LGSN: variants seen among roughly 807,000 people sequenced by gnomAD.
LGSN encodes the protein lengsin, lens protein with glutamine synthetase domain, also known as lengsin.
In LGSN, 21 loss-of-function variants were observed where a neutral mutation model predicts 19.5. The ratio of observed to expected loss-of-function variants is 1.07; its 90% CI spans 0.76 to 1.55. LGSN has a LOEUF of 1.55. Among genes scored for constraint, LGSN ranks in the 40% most tolerant of loss-of-function variants. The probability of loss-of-function intolerance (pLI) is 0.00; values close to 1 mark genes in which losing one functional copy is unlikely to be tolerated. For synonymous variants in LGSN, 257 were observed against 215.6 expected (o/e 1.19, Z -1.68); for missense variants, 673 against 608.5 (o/e 1.11, Z -1.12).
the LGSN span, among the ~76,000 whole-genome samples, chr6:63,502,405 C>A: frequency 6.6e-6 from 1 of 152,038 alleles, no homozygotes; most frequent in Non-Finnish European, 1.5e-5. Flanking sequence ...GTTAAGATAC[C>A]TGATATACTA....
chr6:63,468,779 C>T, the LGSN span, among the ~76,000 whole-genome samples: 164 of 151,074 alleles, frequency 1.1e-3, 4 homozygotes, highest in South Asian at 0.028. Context: ...GATGGAGTCT[C>T]GCTCTATTGT....
At chr6:63,454,060 C>G in the LGSN span, among the ~76,000 whole-genome samples, 1 of 152,182 alleles carries the variant, frequency 6.6e-6, no homozygotes, top group Non-Finnish European at 1.5e-5. Flanking sequence ...CTGCCCCTTG[C>G]TGCCTCTCCA....
At chr6:63,555,381 A>G in the LGSN span, among the ~76,000 whole-genome samples, 1 of 152,212 alleles carries the variant, frequency 6.6e-6, no homozygotes, top group Non-Finnish European at 1.5e-5. Flanking sequence ...TTAGATCTAG[A>G]CTAATAGGAA....
the LGSN span, among the ~76,000 whole-genome samples, chr6:63,387,445 T>G: frequency 2.0e-5 from 3 of 152,174 alleles, no homozygotes; most frequent in African/African-American, 7.2e-5. Context: ...AGAGATTATA[T>G]AAAGTATATA....
At chr6:63,469,365 A>G in the LGSN span, among the ~76,000 whole-genome samples, 37 of 152,200 alleles carry the variant, frequency 2.4e-4, no homozygotes, top group Non-Finnish European at 4.7e-4. Flanking sequence ...AATGTTCTGC[A>G]TAATCCTTTC....
At chr6:63,544,681 T>C in the LGSN span, among the ~76,000 whole-genome samples, 1 of 152,194 alleles carries the variant, frequency 6.6e-6, no homozygotes, top group South Asian at 2.1e-4. Flanking sequence ...AAGCCAATTA[T>C]ACCAAGAATG....
the LGSN span, among the ~76,000 whole-genome samples, chr6:63,382,302 A>T: frequency 2.0e-5 from 3 of 152,208 alleles, no homozygotes; most frequent in Non-Finnish European, 4.4e-5. Flanking sequence ...AACCAAAATT[A>T]TTGGTGTATG....
At chr6:63,367,678 C>T in the LGSN span, among the ~76,000 whole-genome samples, 3 of 144,062 alleles carry the variant, frequency 2.1e-5, no homozygotes, top group Non-Finnish European at 4.4e-5. Flanking sequence ...ATAGCAAAGT[C>T]TTGGAACCAG....
chr6:63,373,394 C>T, the LGSN span, among the ~76,000 whole-genome samples: 1 of 152,156 alleles, frequency 6.6e-6, no homozygotes, highest in African/African-American at 2.4e-5. Flanking sequence ...ATGACATCAT[C>T]AGGTAACTCC....
chr6:63,284,639 G>A (rs747689581), intron 3 of LGSN, among the ~76,000 whole-genome samples: 1 of 152,118 alleles, frequency 6.6e-6, no homozygotes, highest in Non-Finnish European at 1.5e-5. Flanking sequence ...GATTGAAAGA[G>A]ACTCATTTGA....
At chr6:63,569,771 G>T in the LGSN span, among the ~76,000 whole-genome samples, 1 of 152,124 alleles carries the variant, frequency 6.6e-6, no homozygotes, top group African/African-American at 2.4e-5. Flanking sequence ...GTAAGCATTG[G>T]CTTTTAGAGG....
At chr6:63,287,002 A>G (rs577975708) in intron 2 of LGSN, among the ~76,000 whole-genome samples, 2 of 152,314 alleles carry the variant, frequency 1.3e-5, no homozygotes, top group East Asian at 3.9e-4. Context: ...ACACCCATCA[A>G]TCTCTCACAT....
chr6:63,352,540 G>A, the LGSN span, among the ~76,000 whole-genome samples: 1 of 151,794 alleles, frequency 6.6e-6, no homozygotes, highest in African/African-American at 2.4e-5. Flanking sequence ...ACATGCCTGT[G>A]GTCCCAGCTA....
the LGSN span, among the ~76,000 whole-genome samples, chr6:63,500,112 A>G: frequency 6.6e-6 from 1 of 152,096 alleles, no homozygotes; most frequent in African/African-American, 2.4e-5. Flanking sequence ...AGCTCACTTT[A>G]ATAAGCTTCT....
At chr6:63,478,330 C>T in the LGSN span, among the ~76,000 whole-genome samples, 98 of 152,184 alleles carry the variant, frequency 6.4e-4, no homozygotes, top group Middle Eastern at 6.8e-3. Flanking sequence ...ACAGAAAGTA[C>T]GTTAGTGGTT....
At chr6:63,290,912 G>T (rs964260327) in intron 2 of LGSN, among the ~76,000 whole-genome samples, 1 of 152,174 alleles carries the variant, frequency 6.6e-6, no homozygotes, top group African/African-American at 2.4e-5. Flanking sequence ...CCCATCTTTT[G>T]TATTAACCGT....
At chr6:63,540,790 A>ACCC in the LGSN span, among the ~76,000 whole-genome samples, 2 of 150,740 alleles carry the variant, frequency 1.3e-5, no homozygotes, top group Non-Finnish European at 3.0e-5. Flanking sequence ...AGCAAATAGG[A>ACCC]CCCCGTCTCT....
the LGSN span, among the ~76,000 whole-genome samples, chr6:63,456,213 G>T: frequency 6.6e-6 from 1 of 151,450 alleles, no homozygotes; most frequent in African/African-American, 2.4e-5. Context: ...CCTGGGGACA[G>T]TGGGAGACTC....
the LGSN span, among the ~76,000 whole-genome samples, chr6:63,405,691 G>A: frequency 6.6e-6 from 1 of 152,114 alleles, no homozygotes; most frequent in Non-Finnish European, 1.5e-5. Flanking sequence ...AACTTTAAAT[G>A]TAAATGGACT....
Sources: allele counts gnomAD v4.1 joint callset (sites outside exome capture counted in the v4.1 genomes callset), GRCh38; gene constraint gnomAD v4.1.1; transcripts MANE v1.5; gene names NCBI Gene and HGNC (gene_info 2026-07-23, HGNC 2026-07-21).